Variants in NREP observed in about 807,000 individuals in gnomAD.
The protein encoded by NREP is neuronal regeneration-related protein.
In NREP, 5 loss-of-function variants were observed where a neutral mutation model predicts 8.6. The ratio of observed to expected loss-of-function variants is 0.58; its 90% CI spans 0.30 to 1.22. The LOEUF is 1.22. NREP is among the 50% of genes most tolerant of loss of function. The probability of loss-of-function intolerance (pLI) is 0.07; values close to 1 mark genes in which losing one functional copy is unlikely to be tolerated. For missense variants in NREP, 86 were observed against 82.5 expected (o/e 1.04, Z -0.17); for synonymous variants, 27 against 28.0 (o/e 0.96, Z 0.11).
At chr5:111,769,323 A>G (rs1751162038) in intron 2 of NREP, among the ~76,000 whole-genome samples, 1 of 152,230 alleles carries the variant, frequency 6.6e-6, no homozygotes, top group Non-Finnish European at 1.5e-5. Context: ...GTCCTAATGG[A>G]ACTTAATTCT....
chr5:111,961,018 G>T (rs1432304060), intron 2 of NREP, among the ~76,000 whole-genome samples: 3 of 152,178 alleles, frequency 2.0e-5, no homozygotes, highest in African/African-American at 7.2e-5. Context: ...TCCTGGCTTG[G>T]TCATATTTTA....
At chr5:111,788,271 C>T (rs7718170) in intron 2 of NREP, among the ~76,000 whole-genome samples, 150,319 of 152,354 alleles carry the variant, frequency 0.99, 74,195 homozygotes, top group East Asian at 1. Flanking sequence ...AAATGTCTAA[C>T]ATAAATTGTT....
At chr5:111,886,048 G>C (rs1754237344) in intron 2 of NREP, among the ~76,000 whole-genome samples, 1 of 152,046 alleles carries the variant, frequency 6.6e-6, no homozygotes, top group Non-Finnish European at 1.5e-5. Flanking sequence ...CTCCAAAATG[G>C]GAGAAAATTT....
Position 111,901,851 on chromosome 5 carries a change from A to G in NREP, c.135+73423T>C, listed in dbSNP as rs182409686. On this transcript the variant is annotated intron_variant, in intron 2 of 3. Transcript: ENST00000395634. ...CCATGATCCTGGATCAGAAGAATTA[A>G]TGTTGTTAAAACGACTGTACTACTC... 1.2e-3 allele frequency among the ~76,000 whole-genome samples: 174 copies of G among 151,082 alleles called. 2 individuals are homozygous for G. Among genetic ancestry groups the G allele is most frequent in the African/African-American group, 4.0e-3 (166 of 41,298 alleles).
At chr5:111,974,111 G>A (rs897611299) in intron 2 of NREP, among the ~76,000 whole-genome samples, 5 of 152,088 alleles carry the variant, frequency 3.3e-5, no homozygotes, top group Non-Finnish European at 5.9e-5. Context: ...CCTTCCTACC[G>A]TGACTGTGTT....
At chr5:111,901,277 A>G (rs1179037267) in intron 2 of NREP, among the ~76,000 whole-genome samples, 1 of 152,138 alleles carries the variant, frequency 6.6e-6, no homozygotes, top group Non-Finnish European at 1.5e-5. Flanking sequence ...CTTAGAAGAA[A>G]AAGTAATTGA....
rs114185399 is a variant in NREP, at chr5:111,799,693, C to T, written c.136-64186G>A. 3.2e-3 allele frequency among the ~76,000 whole-genome samples: 489 copies of T among 152,252 alleles called. 3 individuals are homozygous for T. The highest frequency in any genetic ancestry group is 0.011 in the African/African-American group (477 of 41,556). On this transcript the variant is annotated intron_variant, in intron 2 of 3. Coordinates refer to the NREP transcript ENST00000395634. ...CCTTAGGCTTAATACCAGTTATTTC[C>T]GATTTAAGGCTGCCTAGAGGACATA...
intron 2 of NREP, among the ~76,000 whole-genome samples, chr5:111,794,854 T>C (rs1001341414): frequency 6.6e-5 from 10 of 152,150 alleles, no homozygotes; most frequent in African/African-American, 2.4e-4. Flanking sequence ...TGTGTCAGTG[T>C]AGGTTCATCA....
chr5:111,877,745 T>A (rs1026312107), intron 2 of NREP, among the ~76,000 whole-genome samples: 1 of 152,198 alleles, frequency 6.6e-6, no homozygotes, highest in Non-Finnish European at 1.5e-5. Context: ...AAAACATGGT[T>A]GATATAACTC....
chr5:111,852,576 G>T (rs1162880003), intron 2 of NREP, among the ~76,000 whole-genome samples: 1 of 152,152 alleles, frequency 6.6e-6, no homozygotes, highest in Non-Finnish European at 1.5e-5. Flanking sequence ...TGCTATTGAG[G>T]TTGTATTTAA....
At chr5:111,733,372 C>T (rs1248018953) in intron 3 of NREP, 1 of 152,156 alleles carries the variant, frequency 6.6e-6, no homozygotes, top group East Asian at 1.9e-4. Flanking sequence ...GGCCTGGAGC[C>T]CACCATGCCC....
At chr5:111,958,472 T>A (rs1402072538) in intron 2 of NREP, among the ~76,000 whole-genome samples, 1 of 151,914 alleles carries the variant, frequency 6.6e-6, no homozygotes, top group African/African-American at 2.4e-5. Context: ...AGAGGAAAAT[T>A]CAGCAAAGTT....
chr5:111,948,315 G>C (rs556130224), intron 2 of NREP, among the ~76,000 whole-genome samples: 5 of 152,248 alleles, frequency 3.3e-5, no homozygotes, highest in African/African-American at 1.2e-4. Context: ...ATAGACTGCA[G>C]TGTGCTGGAT....
chr5:111,962,029 G>A (rs1453839737), intron 2 of NREP, among the ~76,000 whole-genome samples: 1 of 152,172 alleles, frequency 6.6e-6, no homozygotes, highest in Non-Finnish European at 1.5e-5. Context: ...GTCAAGTGTT[G>A]AGTGACAAAT....
intron 2 of NREP, among the ~76,000 whole-genome samples, chr5:111,789,934 A>G (rs1751701190): frequency 6.6e-6 from 1 of 152,172 alleles, no homozygotes; most frequent in Non-Finnish European, 1.5e-5. Context: ...TTTGACATGA[A>G]TAAAATAAAT....
intron 2 of NREP, among the ~76,000 whole-genome samples, chr5:111,973,913 T>C (rs1756890641): frequency 6.6e-6 from 1 of 152,216 alleles, no homozygotes; most frequent in Non-Finnish European, 1.5e-5. Flanking sequence ...CCCTAATTTG[T>C]TGTAAAGCAT....
intron 2 of NREP, among the ~76,000 whole-genome samples, chr5:111,919,869 G>GAGAAAGAAAGAAAGAAAGAAAGAAAGAA (rs60026643): frequency 7.0e-4 from 88 of 125,108 alleles, no homozygotes; most frequent in Non-Finnish European, 8.7e-4. Flanking sequence ...CTTGAAGAGA[G>GAGAAAGAAAGAAAGAAAGAAAGAAAGAA]AGAAAGAAAG....
At chr5:111,757,669 C>T, upstream of NREP, 1 of 983,604 alleles carries the variant, frequency 1.0e-6, no homozygotes, top group Non-Finnish European at 1.2e-6. Context: ...GCGCCGTCCC[C>T]ACTGCACCGC....
chr5:111,740,192 C>G (rs1321349885), intron 2 of NREP, among the ~76,000 whole-genome samples: 1 of 152,080 alleles, frequency 6.6e-6, no homozygotes, highest in Non-Finnish European at 1.5e-5. Flanking sequence ...TGAAAAACAA[C>G]AGAACGTCAT....
Sources: allele counts gnomAD v4.1 joint callset (sites outside exome capture counted in the v4.1 genomes callset), GRCh38; gene constraint gnomAD v4.1.1; transcripts MANE v1.5; gene names NCBI Gene and HGNC (gene_info 2026-07-23, HGNC 2026-07-21).